Variants in FAM184A observed in about 807,000 individuals in gnomAD.
The protein encoded by FAM184A is family with sequence similarity 184 member A.
Under a neutral mutation model 143.8 loss-of-function variants are expected in FAM184A, and 99 were observed. That is an observed-to-expected ratio of 0.69 (90% confidence interval 0.58 to 0.81). FAM184A has a LOEUF of 0.81. FAM184A is among the 40% of genes least tolerant of loss of function. The probability of loss-of-function intolerance (pLI) is 0.00; values close to 1 mark genes in which losing one functional copy is unlikely to be tolerated. For missense variants in FAM184A, 1,217 were observed against 1,310.5 expected (o/e 0.93, Z 1.10); for synonymous variants, 427 against 446.4 (o/e 0.96, Z 0.55).
chr6:118,992,836 T>TA (rs1784421666), intron 9 of FAM184A, among the ~76,000 whole-genome samples: 2 of 152,074 alleles, frequency 1.3e-5, no homozygotes, highest in African/African-American at 2.4e-5. Context: ...AGGCTGAAGT[T>TA]AGAGAATCAC....
At chr6:119,087,028 G>A (rs548912706) in intron 1 of FAM184A, among the ~76,000 whole-genome samples, 2 of 152,236 alleles carry the variant, frequency 1.3e-5, no homozygotes, top group Non-Finnish European at 2.9e-5. Flanking sequence ...CCTAGCACAC[G>A]ATACATGGTT....
In FAM184A at chr6:119,062,606, G is replaced by A. The variant is rs961209823; in HGVS notation, c.159+15535C>T. Among the ~76,000 whole-genome samples the A allele has an allele frequency of 1.4e-4, 21 of 152,184 alleles. 1 individual carries two copies. Among genetic ancestry groups the A allele is most frequent in the Admixed American group, 1.4e-3 (21 of 15,276 alleles). On this transcript the variant is annotated intron_variant, in intron 1 of 17. Coordinates refer to ENST00000338891, the MANE Select transcript of FAM184A (RefSeq NM_024581.6). ...CCTGGAAAGGTTGAGGCTGCAGTGA[G>A]CTGTGATCGCACCACTGCATTCCAG...
At position 119,027,604 on chromosome 6, in the gene FAM184A, C is replaced by G. The variant is rs572020419; in HGVS notation, c.160-2791G>C. Among the ~76,000 whole-genome samples the G allele has an allele frequency of 1.5e-3, 223 of 152,248 alleles. 6 individuals carry two copies. In the South Asian group the frequency reaches 0.042, roughly 28 times the overall value. ...AACATTCCAGGCATCTAGCTAGCCC[C>G]GGAGGTAATTCAGTAACTTGTTAAA... On this transcript the variant is annotated intron_variant, in intron 1 of 17. Coordinates refer to ENST00000338891, the MANE Select transcript of FAM184A (RefSeq NM_024581.6).
intron 14 of FAM184A, among the ~76,000 whole-genome samples, chr6:118,970,008 A>ATTTTTTTTTTTT (rs11272298): frequency 1.1e-4 from 2 of 19,044 alleles, no homozygotes; most frequent in South Asian, 1.7e-3. Flanking sequence ...ATATATATAT[A>ATTTTTTTTTTTT]TTTTTTTTTT....
intron 1 of FAM184A, among the ~76,000 whole-genome samples, chr6:119,061,427 C>T (rs906553708): frequency 1.3e-5 from 2 of 151,638 alleles, no homozygotes; most frequent in African/African-American, 4.9e-5. Flanking sequence ...GCAATCACAG[C>T]TCACTGTAGC....
At chr6:119,040,477 A>G (rs1006933169) in intron 1 of FAM184A, among the ~76,000 whole-genome samples, 23 of 152,144 alleles carry the variant, frequency 1.5e-4, no homozygotes, top group African/African-American at 5.6e-4. Flanking sequence ...CTGATTTCTC[A>G]GGTCACCTTG....
intron 11 of FAM184A, among the ~76,000 whole-genome samples, chr6:118,978,031 T>C (rs1783899628): frequency 6.6e-6 from 1 of 152,230 alleles, no homozygotes; most frequent in African/African-American, 2.4e-5. Flanking sequence ...TGGTGTGATC[T>C]TGGCTCACTG....
At chr6:119,032,274 CAA>C (rs1196177096) in intron 1 of FAM184A, among the ~76,000 whole-genome samples, 3 of 126,818 alleles carry the variant, frequency 2.4e-5, no homozygotes. Context: ...TGTCTCAAAA[CAA>C]AAAAAAAAAG....
At chr6:119,140,380 T>C (rs981026012) in intron 1 of FAM184A, among the ~76,000 whole-genome samples, 2 of 152,218 alleles carry the variant, frequency 1.3e-5, no homozygotes, top group East Asian at 1.9e-4. Context: ...CCACTTTCCC[T>C]GGCCTCATGA....
chr6:119,114,524 T>G (rs1789010227), intron 1 of FAM184A, among the ~76,000 whole-genome samples: 1 of 152,070 alleles, frequency 6.6e-6, no homozygotes, highest in Non-Finnish European at 1.5e-5. Flanking sequence ...CATTTATCTG[T>G]TATTTATTTT....
At chr6:118,993,573 G>A (rs1156236042) in intron 9 of FAM184A, among the ~76,000 whole-genome samples, 2 of 152,168 alleles carry the variant, frequency 1.3e-5, no homozygotes, top group Non-Finnish European at 2.9e-5. Flanking sequence ...GCCTGGCACA[G>A]GGTAAATGAT....
chr6:119,113,168 G>T (rs634755), intron 1 of FAM184A, among the ~76,000 whole-genome samples: 8,824 of 152,132 alleles, frequency 0.058, 846 homozygotes, highest in African/African-American at 0.2. Context: ...CAAGTTTCCT[G>T]ATCACCATTA....
chr6:119,068,884 C>T (rs1323211173), intron 1 of FAM184A, among the ~76,000 whole-genome samples: 1 of 152,192 alleles, frequency 6.6e-6, no homozygotes, highest in Non-Finnish European at 1.5e-5. Flanking sequence ...AAAGCACGTA[C>T]ATAAGTTCTA....
intron 1 of FAM184A, among the ~76,000 whole-genome samples, chr6:119,112,554 T>C (rs188527879): frequency 6.6e-6 from 1 of 152,220 alleles, no homozygotes; most frequent in African/African-American, 2.4e-5. Context: ...GGTTTTAGAG[T>C]AGAGCAGTCT....
chr6:119,080,551 T>C (rs565244119), upstream of FAM184A, among the ~76,000 whole-genome samples: 2 of 152,198 alleles, frequency 1.3e-5, no homozygotes, highest in Non-Finnish European at 2.9e-5. Flanking sequence ...AAATAATGAA[T>C]AGAAACATAA....
intron 1 of FAM184A, among the ~76,000 whole-genome samples, chr6:119,140,541 C>T (rs1772191561): frequency 6.6e-6 from 1 of 152,200 alleles, no homozygotes; most frequent in Non-Finnish European, 1.5e-5. Flanking sequence ...ATTTTCGGAA[C>T]CATGCTCTCC....
intron 1 of FAM184A, among the ~76,000 whole-genome samples, chr6:119,140,401 GGGAGA>G (rs1432455346): frequency 6.6e-6 from 1 of 152,180 alleles, no homozygotes; most frequent in Admixed American, 6.5e-5. Context: ...GAGAGCCCCT[GGGAGA>G]AGCAGTGAAA....
chr6:119,073,563 CAAG>C (rs1215338848), intron 1 of FAM184A, among the ~76,000 whole-genome samples: 6 of 152,100 alleles, frequency 3.9e-5, no homozygotes, highest in African/African-American at 7.2e-5. Context: ...GGTGGTGCTT[CAAG>C]AAGATTACAG....
intron 14 of FAM184A, among the ~76,000 whole-genome samples, chr6:118,970,409 T>C (rs1217151521): frequency 6.6e-6 from 1 of 152,148 alleles, no homozygotes; most frequent in Non-Finnish European, 1.5e-5. Context: ...CTAATAACAT[T>C]GTTTTATTTT....
Sources: gnomAD v4.1 joint callset for allele counts (sites outside exome capture counted in the v4.1 genomes callset) on GRCh38, gnomAD v4.1.1 for gene constraint, MANE v1.5 for transcripts, NCBI Gene and HGNC (gene_info 2026-07-23, HGNC 2026-07-21) for gene names.